The following HIF1A variants were observed in gnomAD, a reference collection of about 807,000 sequenced individuals.
HIF1A encodes hypoxia inducible factor 1 subunit alpha.
A neutral mutation model predicts 92.7 loss-of-function variants in HIF1A; 24 were observed. The ratio of observed to expected loss-of-function variants is 0.26; its 90% CI spans 0.19 to 0.36. The LOEUF (loss-of-function observed/expected upper bound fraction) is 0.36. HIF1A is among the 10% of genes least tolerant of loss of function. The pLI is 1.00. For synonymous variants in HIF1A, 319 were observed against 338.7 expected (o/e 0.94, Z 0.64); for missense variants, 799 against 998.5 (o/e 0.80, Z 2.69).
At chr14:61,713,207 T>C (rs568435008) in intron 1 of HIF1A, among the ~76,000 whole-genome samples, 1 of 152,300 alleles carries the variant, frequency 6.6e-6, no homozygotes, top group East Asian at 1.9e-4. Context: ...AATTAGACCT[T>C]GTCCTGTGTA....
chr14:61,697,577 C>A, intron 1 of HIF1A: 1 of 511,840 alleles, frequency 2.0e-6, no homozygotes, highest in Non-Finnish European at 2.6e-6. Flanking sequence ...TCTAAATAAG[C>A]TCTTAGATTT....
At chr14:61,729,722 C>T (rs2044552054) in intron 6 of HIF1A, among the ~76,000 whole-genome samples, 1 of 151,598 alleles carries the variant, frequency 6.6e-6, no homozygotes, top group African/African-American at 2.4e-5. Flanking sequence ...GAGAGGAGGC[C>T]AGGGAGAAAG....
At position 61,736,816 on chromosome 14, in the gene HIF1A, A is replaced by G. The variant is rs901187277; in HGVS notation, c.1029-73A>G. On this transcript the variant is annotated intron_variant, in intron 8 of 14. Transcript: ENST00000337138. Reference sequence around the variant, plus strand: ...ATAAAGCAGAATTTTTTAAGAGACCATTTCACAGTCTCCCTTCCCCTCACT... The same window carrying G: ...ATAAAGCAGAATTTTTTAAGAGACCGTTTCACAGTCTCCCTTCCCCTCACT... 5.8e-6 allele frequency: 6 copies of G among 1,039,362 alleles called. No individual in the cohort carries two copies. In the African/African-American group the frequency reaches 9.6e-5, roughly 17 times the overall value. 64.4% of individuals were successfully genotyped at this position (1,039,362 alleles called of 1,614,324 possible).
intron 12 of HIF1A, among the ~76,000 whole-genome samples, chr14:61,741,524 C>G (rs528130322): frequency 6.6e-6 from 1 of 152,040 alleles, no homozygotes; most frequent in South Asian, 2.1e-4. Context: ...CACCACCACG[C>G]CCGGCTGATT....
At chr14:61,729,185 G>T (rs1422245885) in intron 6 of HIF1A, among the ~76,000 whole-genome samples, 1 of 152,088 alleles carries the variant, frequency 6.6e-6, no homozygotes, top group Non-Finnish European at 1.5e-5. Context: ...ATCATGGCTG[G>T]GTGGGGTGGC....
At chr14:61,732,149 A>C (rs559624073) in intron 6 of HIF1A, among the ~76,000 whole-genome samples, 1 of 152,232 alleles carries the variant, frequency 6.6e-6, no homozygotes, top group Non-Finnish European at 1.5e-5. Flanking sequence ...CTCAAAAAAA[A>C]AGACCAGGTA....
At position 61,703,564 on chromosome 14, in the gene HIF1A, A is replaced by G. The variant is rs547693987; in HGVS notation, c.35+7725A>G. On this transcript the variant is annotated intron_variant, in intron 1 of 14. Coordinates refer to ENST00000337138, the MANE Select transcript of HIF1A (RefSeq NM_001530.4). ...ACTCTGCCACTGACAGGCTGTCTGT[A>G]TGGTGTGGAAGAGGACGGCTAGCAT... Among the ~76,000 whole-genome samples, 8 of 151,804 alleles carry G rather than the reference A, an allele frequency of 5.3e-5. No individual in the cohort carries two copies. The East Asian group carries it at 1.6e-3, about 30-fold the overall frequency.
intron 9 of HIF1A, among the ~76,000 whole-genome samples, chr14:61,737,876 A>C (rs966860801): frequency 6.6e-6 from 1 of 152,042 alleles, no homozygotes; most frequent in African/African-American, 2.4e-5. Flanking sequence ...AAAATACAAA[A>C]GTTAGCTGGG....
Position 61,745,692 on chromosome 14 carries a change from G to T in HIF1A, c.2204G>T (p.Gly735Val). The T allele has an allele frequency of 1.2e-6, 2 of 1,612,746 alleles. No individual in the cohort carries two copies. The highest frequency in any genetic ancestry group is 3.3e-5 in the Admixed American group (2 of 59,898). ...DGSLFQAVGIGTLLQQPDDHA... is the reference protein window; with the variant it reads ...DGSLFQAVGIVTLLQQPDDHA... ...TTGAAATAACTTTACTGTTTATAGG[G>T]AACATTATTACAGCAGCCAGACGAT... The change falls in exon 14 of 15, where the codon GGA (glycine) becomes GTA (valine). Residue 735 changes from glycine (G) to valine (V), a missense_variant and splice_region_variant. Physicochemically the swap from Gly to Val is moderately radical, Grantham distance 109. Transcript: ENST00000337138.
rs1366065908 is a variant in HIF1A at position 61,741,271 on chromosome 14, A to G, written c.2093+83A>G. On this transcript the variant is annotated intron_variant, in intron 12 of 14. Transcript: ENST00000337138. The stretch of plus-strand genomic sequence containing the variant: ...GTGATAGTACATGATTTTTAAACTT[A>G]TAGCAAACTTTCTGATATATATGCC... 7 of 1,025,882 alleles carry G rather than the reference A, an allele frequency of 6.8e-6. No homozygotes were observed. In the East Asian group the frequency reaches 1.5e-4, roughly 23 times the overall value. The allele number at this position is 1,025,882 out of a possible 1,614,324, so 63.5% of individuals were successfully genotyped here.
intron 1 of HIF1A, among the ~76,000 whole-genome samples, chr14:61,699,312 A>C (rs2044150855): frequency 2.0e-5 from 3 of 152,192 alleles, no homozygotes; most frequent in Admixed American, 2.0e-4. Context: ...TCTACCTGTT[A>C]ACTTCCATTG....
intron 1 of HIF1A, among the ~76,000 whole-genome samples, chr14:61,706,076 C>T (rs1381199632): frequency 2.7e-5 from 4 of 150,286 alleles, no homozygotes; most frequent in African/African-American, 5.0e-5. Flanking sequence ...GGTCACTGAC[C>T]TTCTTAGGTT....
intron 6 of HIF1A, among the ~76,000 whole-genome samples, 177 bp from the exon 7 acceptor site, chr14:61,732,241 A>T (rs1179558771): frequency 2.6e-5 from 4 of 152,242 alleles, no homozygotes; most frequent in Non-Finnish European, 5.9e-5. Context: ...TGTTGGATTT[A>T]ATAACTGTAG....
Position 61,697,867 on chromosome 14 carries a change from G to A in HIF1A, c.35+2028G>A, listed in dbSNP as rs559818454. 3 of 1,516,400 alleles carry A rather than the reference G, an allele frequency of 2.0e-6. No homozygotes were observed. In the Admixed American group the frequency reaches 6.4e-5, roughly 32 times the overall value. 93.9% of individuals were successfully genotyped at this position (1,516,400 alleles called of 1,614,324 possible). A position where few individuals can be genotyped will look rare whatever the true frequency, so the allele number is the denominator to read the frequency against. On this transcript the variant is annotated intron_variant, in intron 1 of 14. Transcript: ENST00000337138. ...TCATTTTAAATGAGCTCCCAATGTC[G>A]GAGTTTGGAAAACAAATTTGTCTTT... is the stretch of plus-strand genomic sequence containing the variant.
At chr14:61,719,739 T>G (rs1030063802) in intron 1 of HIF1A, among the ~76,000 whole-genome samples, 13 of 152,206 alleles carry the variant, frequency 8.5e-5, no homozygotes, top group Non-Finnish European at 4.4e-5. Context: ...TTTTCTTCCA[T>G]ATTCCTGCAT....
At chr14:61,721,455 C>A (rs964162466) in intron 2 of HIF1A, 54 bp from the exon 3 acceptor site, 4 of 1,429,506 alleles carry the variant, frequency 2.8e-6, no homozygotes, top group Non-Finnish European at 3.9e-6. Flanking sequence ...AATATTATAT[C>A]ATTTAAGTAC....
In HIF1A at chr14:61,747,468, T is replaced by C. The variant is rs140525186; in HGVS notation, c.*383T>C. 2.8e-3 allele frequency: 429 copies of C among 154,828 alleles called. 2 individuals are homozygous for C. Among genetic ancestry groups the C allele is most frequent in the African/African-American group, 9.5e-3 (394 of 41,664 alleles). 9.6% of individuals were successfully genotyped at this position (154,828 alleles called of 1,614,324 possible). A position where few individuals can be genotyped will look rare whatever the true frequency, so the allele number is the denominator to read the frequency against. ...AACCTTTCATCATGATCATAGGCAG[T>C]TGAAAAATTTTTACACCTTTTTTTT... On this transcript the variant is annotated 3_prime_UTR_variant, in exon 15 of 15. Coordinates refer to ENST00000337138, the MANE Select transcript of HIF1A (RefSeq NM_001530.4).
In HIF1A at chr14:61,708,570, C is replaced by G. The variant is rs929622815; in HGVS notation, c.36-11812C>G. Among the ~76,000 whole-genome samples, 2 of 152,012 alleles carry G rather than the reference C, an allele frequency of 1.3e-5. 1 individual carries two copies. The highest frequency in any genetic ancestry group is 4.2e-4 in the South Asian group (2 of 4,790). Reference sequence around the variant, plus strand: ...ATTTATTAAATAGGGAATCCTTTCCCCATTTCTTGTTTTTGTCAGGTTTGT... The same window carrying G: ...ATTTATTAAATAGGGAATCCTTTCCGCATTTCTTGTTTTTGTCAGGTTTGT... On this transcript the variant is annotated intron_variant, in intron 1 of 14. Coordinates refer to ENST00000337138, the MANE Select transcript of HIF1A (RefSeq NM_001530.4).
At chr14:61,736,670 A>G (rs1296103607) in intron 8 of HIF1A, among the ~76,000 whole-genome samples, 3 of 152,056 alleles carry the variant, frequency 2.0e-5, no homozygotes, top group African/African-American at 7.2e-5. Flanking sequence ...ATTCTTTTTT[A>G]TGGTTGCATA....
Sources: gnomAD v4.1 joint callset for allele counts (sites outside exome capture counted in the v4.1 genomes callset) on GRCh38, gnomAD v4.1.1 for gene constraint, MANE v1.5 for transcripts, NCBI Gene and HGNC (gene_info 2026-07-23, HGNC 2026-07-21) for gene names.